Variants in RAB27A observed in about 807,000 individuals in gnomAD.
The protein encoded by RAB27A is ras-related protein Rab-27A.
In RAB27A, 17 loss-of-function variants were observed where a neutral mutation model predicts 20.8. That is an observed-to-expected ratio of 0.82 (90% CI 0.56 to 1.23). The LOEUF is 1.23. Ranked by LOEUF, RAB27A falls within the 50% of genes most tolerant of loss-of-function variation. RAB27A has a pLI of 0.00. For synonymous variants in RAB27A, 85 were observed against 92.8 expected, an observed-to-expected ratio of 0.92 and a Z score of 0.48; for missense variants, 277 against 266.7, an observed-to-expected ratio of 1.04 and a Z score of -0.27.
chr15:55,225,559 T>C (rs1895763441), intron 5 of RAB27A, among the ~76,000 whole-genome samples: 2 of 152,182 alleles, frequency 1.3e-5, no homozygotes, highest in South Asian at 4.1e-4. Flanking sequence ...TTTTAAAAAG[T>C]CCTCCAGGTG....
intron 2 of RAB27A, among the ~76,000 whole-genome samples, chr15:55,303,255 A>C (rs1321313607): frequency 3.8e-5 from 3 of 78,820 alleles, no homozygotes; most frequent in Admixed American, 1.2e-4. Context: ...TCCGGGAGGG[A>C]GGTGGGGGGG....
chr15:55,215,327 T>C (rs371622256), intron 6 of RAB27A, among the ~76,000 whole-genome samples: 61 of 152,290 alleles, frequency 4.0e-4, no homozygotes, highest in African/African-American at 1.4e-3. Flanking sequence ...AACCTGTGCA[T>C]GGAAGTTATC....
chr15:55,247,685 A>G (rs188030374), intron 2 of RAB27A, among the ~76,000 whole-genome samples: 11 of 152,290 alleles, frequency 7.2e-5, no homozygotes. Flanking sequence ...CTTCCAAGAA[A>G]CATGATGAAT....
At chr15:55,274,808 A>ATATATATATATG (rs1897812500) in intron 1 of RAB27A, among the ~76,000 whole-genome samples, 1 of 134,040 alleles carries the variant, frequency 7.5e-6, no homozygotes, top group Non-Finnish European at 1.6e-5. Flanking sequence ...ATATATATAT[A>ATATATATATATG]TATATATATA....
chr15:55,241,601 TA>T lies in RAB27A; in HGVS notation c.-22-6646del, dbSNP rs1566915252. 3.2e-4 allele frequency among the ~76,000 whole-genome samples: 10 copies of T among 30,782 alleles called. No individual in the cohort carries two copies. The Admixed American group carries it at 3.3e-3, about 10-fold the overall frequency. 20.2% of individuals were successfully genotyped at this position (30,782 alleles called of 152,430 possible). A position where few individuals can be genotyped will look rare whatever the true frequency, so the allele number is the denominator to read the frequency against. On this transcript the variant is annotated intron_variant, in intron 2 of 6. Coordinates refer to ENST00000336787, the MANE Select transcript of RAB27A (RefSeq NM_183235.3). ...GCCCAGGCAACTAGCAAGACCTATT[TA>T]TATATATATATATATATATATATGT...
At chr15:55,237,073 T>C (rs1247132347) in intron 2 of RAB27A, among the ~76,000 whole-genome samples, 4 of 152,162 alleles carry the variant, frequency 2.6e-5, no homozygotes, top group African/African-American at 9.7e-5. Flanking sequence ...CGACTCTACA[T>C]GACTATTCAA....
At position 55,285,606 on chromosome 15, in the gene RAB27A, A is replaced by G. The variant is rs1286080093; in HGVS notation, c.-143+4110T>C. Among the ~76,000 whole-genome samples the G allele has an allele frequency of 2.6e-5, 4 of 152,356 alleles. No homozygotes were observed. The East Asian group carries it at 7.7e-4, about 29-fold the overall frequency. ...AACTCAAACTTCCTGACCAAGAGGC[A>G]GAAGAACAAATACAGTCCAAGAAAA... is the stretch of plus-strand genomic sequence containing the variant. On this transcript the variant is annotated intron_variant, in intron 1 of 6. Coordinates refer to ENST00000336787, the MANE Select transcript of RAB27A (RefSeq NM_183235.3).
At chr15:55,233,378 T>A (rs1448881311) in intron 3 of RAB27A, among the ~76,000 whole-genome samples, 2 of 151,148 alleles carry the variant, frequency 1.3e-5, no homozygotes, top group African/African-American at 4.9e-5. Flanking sequence ...CAAAAACATA[T>A]AACAAAAAAG....
intron 2 of RAB27A, among the ~76,000 whole-genome samples, chr15:55,260,560 GATAA>G (rs1324534501): frequency 2.0e-5 from 3 of 152,300 alleles, no homozygotes; most frequent in South Asian, 4.1e-4. Flanking sequence ...TAGATGAATG[GATAA>G]ATAAACTGTG....
intron 2 of RAB27A, among the ~76,000 whole-genome samples, chr15:55,253,156 G>A (rs1201237733): frequency 6.9e-6 from 1 of 145,484 alleles, no homozygotes; most frequent in African/African-American, 2.5e-5. Flanking sequence ...AGAAAGAAAG[G>A]CTCCCTAATG....
intron 1 of RAB27A, among the ~76,000 whole-genome samples, chr15:55,316,497 G>T (rs2055044741): frequency 6.6e-6 from 1 of 151,484 alleles, no homozygotes; most frequent in African/African-American, 2.4e-5. Context: ...TTAAAACCTA[G>T]ATGACGGGTT....
intron 5 of RAB27A, among the ~76,000 whole-genome samples, chr15:55,228,286 A>C (rs1041050525): frequency 1.3e-5 from 2 of 152,236 alleles, no homozygotes; most frequent in African/African-American, 4.8e-5. Context: ...TTAGAGATTT[A>C]ACTTCTCTAG....
upstream of RAB27A, among the ~76,000 whole-genome samples, chr15:55,293,760 T>C (rs2054934992): frequency 6.6e-6 from 1 of 151,944 alleles, no homozygotes; most frequent in Non-Finnish European, 1.5e-5. Context: ...CTACTAAAAA[T>C]ACAAAATTTA....
At chr15:55,300,777 T>C (rs1215835835) in intron 2 of RAB27A, among the ~76,000 whole-genome samples, 1 of 152,100 alleles carries the variant, frequency 6.6e-6, no homozygotes, top group African/African-American at 2.4e-5. Context: ...AACTAGTGGA[T>C]AGAAGGCTGA....
At chr15:55,302,998 C>G (rs1399474991) in intron 2 of RAB27A, among the ~76,000 whole-genome samples, 3 of 144,644 alleles carry the variant, frequency 2.1e-5, no homozygotes, top group African/African-American at 8.1e-5. Context: ...GGGGTCAACC[C>G]CCCGCCCGGC....
intron 3 of RAB27A, among the ~76,000 whole-genome samples, chr15:55,233,092 T>C (rs1250621842): frequency 6.6e-6 from 1 of 151,784 alleles, no homozygotes; most frequent in East Asian, 1.9e-4. Flanking sequence ...ACCACTGCAC[T>C]CCAGTCTGAG....
intron 1 of RAB27A, among the ~76,000 whole-genome samples, chr15:55,316,661 CA>C (rs1032818243): frequency 2.0e-5 from 3 of 151,722 alleles, no homozygotes; most frequent in African/African-American, 4.8e-5. Context: ...TTAGTAACTT[CA>C]AAAAAAATTT....
At chr15:55,291,180 C>G (rs945326623), upstream of RAB27A, among the ~76,000 whole-genome samples, 5 of 152,130 alleles carry the variant, frequency 3.3e-5, no homozygotes, top group South Asian at 2.1e-4. Context: ...GAGCTCTTCC[C>G]GTGTGAGAGA....
chr15:55,302,766 A>G (rs1183001993), intron 2 of RAB27A, among the ~76,000 whole-genome samples: 1 of 123,830 alleles, frequency 8.1e-6, no homozygotes, highest in African/African-American at 3.6e-5. Flanking sequence ...CCCGGCCGAG[A>G]CCCCGTCTGG....
Sources: allele counts gnomAD v4.1 joint callset (sites outside exome capture counted in the v4.1 genomes callset), GRCh38; gene constraint gnomAD v4.1.1; transcripts MANE v1.5; gene names NCBI Gene and HGNC (gene_info 2026-07-23, HGNC 2026-07-21).